Variants in MBP observed in about 807,000 individuals in gnomAD.
The protein encoded by MBP is myelin basic protein.
In MBP, 16 loss-of-function variants were observed where a neutral mutation model predicts 35.8. That is an observed-to-expected ratio of 0.45 (90% CI 0.30 to 0.68). MBP has a LOEUF of 0.68. Among genes scored for constraint, MBP ranks in the 30% least tolerant of loss-of-function variants. The probability of loss-of-function intolerance (pLI) is 0.08; values close to 1 mark genes in which losing one functional copy is unlikely to be tolerated. For synonymous variants in MBP, 143 were observed against 159.6 expected (o/e 0.90, Z 0.78); for missense variants, 380 against 404.7 (o/e 0.94, Z 0.52).
At chr18:77,030,760 T>A in intron 3 of MBP, among the ~76,000 whole-genome samples, 1 of 152,254 alleles carries the variant, frequency 6.6e-6, no homozygotes, top group Non-Finnish European at 1.5e-5. Flanking sequence ...TATGCTTTTT[T>A]AAACATACAC....
At chr18:77,063,842 A>G (rs1367263914) in intron 3 of MBP, among the ~76,000 whole-genome samples, 1 of 152,172 alleles carries the variant, frequency 6.6e-6, no homozygotes, top group Non-Finnish European at 1.5e-5. Context: ...AGGGCTAAGT[A>G]TAGAAGACCT....
chr18:77,120,159 C>T (rs1027161041), intron 1 of MBP, among the ~76,000 whole-genome samples: 8 of 152,232 alleles, frequency 5.3e-5, no homozygotes, highest in Admixed American at 3.3e-4. Context: ...TCGCTTGGTG[C>T]GAGCATTCTT....
chr18:77,059,681 G>C (rs1973886996), intron 3 of MBP, among the ~76,000 whole-genome samples: 1 of 152,162 alleles, frequency 6.6e-6, no homozygotes, highest in East Asian at 1.9e-4. Flanking sequence ...TGGATCTTGA[G>C]AAGCCATTTG....
At chr18:76,999,008 T>C (rs1416362357) in intron 4 of MBP, among the ~76,000 whole-genome samples, 3 of 149,742 alleles carry the variant, frequency 2.0e-5, no homozygotes, top group African/African-American at 4.9e-5. Context: ...TTAAGAGCAG[T>C]GTTTTGGGGG....
At chr18:77,094,888 C>T (rs546431217) in intron 2 of MBP, among the ~76,000 whole-genome samples, 1 of 152,326 alleles carries the variant, frequency 6.6e-6, no homozygotes, top group Admixed American at 6.5e-5. Context: ...GTTTCGTGTG[C>T]TGTGGGCCAC....
At chr18:77,015,978 A>C in intron 4 of MBP, 1 of 985,244 alleles carries the variant, frequency 1.0e-6, no homozygotes, top group Non-Finnish European at 1.2e-6. Flanking sequence ...TTTGGGAAAA[A>C]CTTCTTTCTC....
At chr18:77,013,484 G>A in intron 4 of MBP, 1 of 985,150 alleles carries the variant, frequency 1.0e-6, no homozygotes, top group East Asian at 1.1e-4. Flanking sequence ...TATGTTTAAT[G>A]AAATTAAAAT....
chr18:77,081,819 T>TATATATACACACACTATACAC (rs1555726071), intron 2 of MBP, among the ~76,000 whole-genome samples: 6 of 76,292 alleles, frequency 7.9e-5, no homozygotes, highest in East Asian at 7.6e-4. Flanking sequence ...CACACATATA[T>TATATATACACACACTATACAC]ACACACACAC....
chr18:77,127,321 C>T (rs1474574146), intron 1 of MBP: 1 of 152,212 alleles, frequency 6.6e-6, no homozygotes, highest in Admixed American at 6.5e-5. Flanking sequence ...AGCTATTGGA[C>T]ATTCGTTGGC....
chr18:77,062,466 T>C (rs1384616157), intron 3 of MBP, among the ~76,000 whole-genome samples: 3 of 151,880 alleles, frequency 2.0e-5, no homozygotes, highest in Non-Finnish European at 4.4e-5. Context: ...TCTTCCTCCT[T>C]TTGTAACTAG....
chr18:77,077,977 C>A (rs1029655305), intron 2 of MBP, among the ~76,000 whole-genome samples: 1 of 152,210 alleles, frequency 6.6e-6, no homozygotes, highest in East Asian at 1.9e-4. Context: ...GCCATCCTCC[C>A]GAGAGCTGCA....
At chr18:77,035,822 C>T (rs1478670102) in intron 3 of MBP, among the ~76,000 whole-genome samples, 1 of 152,250 alleles carries the variant, frequency 6.6e-6, no homozygotes, top group Non-Finnish European at 1.5e-5. Flanking sequence ...CCAGGAAAGA[C>T]TCTCCTGCAA....
intron 3 of MBP, among the ~76,000 whole-genome samples, chr18:77,036,541 T>C (rs1418070252): frequency 7.9e-6 from 1 of 126,336 alleles, no homozygotes; most frequent in African/African-American, 3.3e-5. Context: ...GGTCACATTT[T>C]GGAGGACTGA....
chr18:77,107,740 TAGAAAACTCA>T lies in MBP; in HGVS notation c.-25-2464_-25-2455del, dbSNP rs1205236345. Among the ~76,000 whole-genome samples, 5 of 152,300 alleles carry T rather than the reference TAGAAAACTCA, an allele frequency of 3.3e-5. No individual in the cohort carries two copies. In the East Asian group the frequency reaches 9.6e-4, roughly 29 times the overall value. On this transcript the variant is annotated intron_variant, in intron 1 of 8. Transcript: ENST00000355994. ...GGGATGATTGATCTTAATCATGATT[TAGAAAACTCA>T]AGAATACTGGACACAGAATTGGTGA...
At chr18:77,048,021 G>GT (rs1489185699) in intron 3 of MBP, among the ~76,000 whole-genome samples, 1 of 152,336 alleles carries the variant, frequency 6.6e-6, no homozygotes, top group Non-Finnish European at 1.5e-5. Context: ...CGCAATGCCA[G>GT]TAAAAAATAG....
intron 3 of MBP, among the ~76,000 whole-genome samples, chr18:77,022,185 C>T (rs1972015221): frequency 1.3e-5 from 2 of 152,152 alleles, no homozygotes; most frequent in Admixed American, 1.3e-4. Flanking sequence ...GCAGGTTAAC[C>T]TGCTCTCACA....
At chr18:77,082,454 G>A (rs1213786520) in intron 2 of MBP, among the ~76,000 whole-genome samples, 5 of 152,238 alleles carry the variant, frequency 3.3e-5, no homozygotes, top group African/African-American at 7.2e-5. Flanking sequence ...GGAATAGGAT[G>A]AGGTCGGGTG....
At position 77,063,820 on chromosome 18, in the gene MBP, T is replaced by A. The variant is rs1465730645; in HGVS notation, c.139+2478A>T. 2.6e-5 allele frequency among the ~76,000 whole-genome samples: 4 copies of A among 152,182 alleles called. No individual in the cohort carries two copies. The East Asian group carries it at 7.7e-4, about 29-fold the overall frequency. ...GGCTTCAGGAATGATATCATCTTGATAGCGTAAGGAAAGGGCTAAGTATAG... is the reference window on the plus strand; with the variant it reads ...GGCTTCAGGAATGATATCATCTTGAAAGCGTAAGGAAAGGGCTAAGTATAG... On this transcript the variant is annotated intron_variant, in intron 3 of 8. Transcript: ENST00000355994.
At position 77,098,773 on chromosome 18, in the gene MBP, C is replaced by T. The variant is rs532060772; in HGVS notation, c.51+6438G>A. Among the ~76,000 whole-genome samples, 8 of 152,334 alleles carry T rather than the reference C, an allele frequency of 5.3e-5. No homozygotes were observed. The East Asian group carries it at 5.8e-4, about 11-fold the overall frequency. On this transcript the variant is annotated intron_variant, in intron 2 of 8. Coordinates refer to ENST00000355994, the MANE Select transcript of MBP (RefSeq NM_001025101.2). ...GTGGGACGTGGGGCTGGATGCCCTT[C>T]GGCAAACATCACTCTCACCGGCCCT... is the stretch of plus-strand genomic sequence containing the variant.
Sources: allele counts gnomAD v4.1 joint callset (sites outside exome capture counted in the v4.1 genomes callset), GRCh38; gene constraint gnomAD v4.1.1; transcripts MANE v1.5; gene names NCBI Gene and HGNC (gene_info 2026-07-23, HGNC 2026-07-21).